The following UGT1A7 variants were observed in gnomAD, a reference collection of about 807,000 sequenced individuals.
The protein encoded by UGT1A7 is UDP glucuronosyltransferase family 1 member A7.
Under a neutral mutation model 45.6 loss-of-function variants are expected in UGT1A7, and 33 were observed. That is an observed-to-expected ratio of 0.72 (90% CI 0.55 to 0.97). UGT1A7 has a LOEUF of 0.97. Ranked by LOEUF, UGT1A7 falls within the 50% of genes least tolerant of loss-of-function variation. The pLI is 0.00. For synonymous variants in UGT1A7, 274 were observed against 250.6 expected (o/e 1.09, Z -0.88); for missense variants, 684 against 666.2 (o/e 1.03, Z -0.29).
At chr2:233,755,119 C>A (rs2125932041) in intron 1 of UGT1A7, 1 of 1,329,394 alleles carries the variant, frequency 7.5e-7, no homozygotes. Context: ...TCGTAGGCCT[C>A]AGCCACCTGC....
chr2:233,769,914 G>A lies in UGT1A7; in HGVS notation c.1295+1475G>A, dbSNP rs530436161. ...AACCTGAGCATCATGTGCCCAGAGCGTTGGGTGGTGTGGTCCCATTCCTTC... is the reference window on the plus strand; with the variant it reads ...AACCTGAGCATCATGTGCCCAGAGCATTGGGTGGTGTGGTCCCATTCCTTC... On this transcript the variant is annotated intron_variant, in intron 4 of 4. Coordinates refer to ENST00000373426, the MANE Select transcript of UGT1A7 (RefSeq NM_019077.3). The surrounding 1 kb of genome is among the most constrained non-coding windows in gnomAD (Gnocchi z 4.4). The A allele has an allele frequency of 6.5e-5, 19 of 292,140 alleles. No homozygotes were observed. The highest frequency in any genetic ancestry group is 1.0e-3 in the Middle Eastern group (1 of 988). 18.1% of individuals were successfully genotyped at this position (292,140 alleles called of 1,614,324 possible).
At chr2:233,745,320 A>T (rs1693070605) in intron 1 of UGT1A7, among the ~76,000 whole-genome samples, 1 of 151,792 alleles carries the variant, frequency 6.6e-6, no homozygotes, top group African/African-American at 2.4e-5. Flanking sequence ...TTTCCACTAG[A>T]ACTGCTATAT....
Position 233,767,697 on chromosome 2 carries a change from C to A in UGT1A7, c.988-152C>A, listed in dbSNP as rs558537555. Reference sequence around the variant, plus strand: ...CTCCAAAACAAGATGCCGGAAGTTGCCAGTCCTCAGAAGCCTTCACAGTTA... The same window carrying A: ...CTCCAAAACAAGATGCCGGAAGTTGACAGTCCTCAGAAGCCTTCACAGTTA... On this transcript the variant is annotated intron_variant, in intron 2 of 4. Coordinates refer to ENST00000373426, the MANE Select transcript of UGT1A7 (RefSeq NM_019077.3). 77 of 1,498,202 alleles carry A rather than the reference C, an allele frequency of 5.1e-5. 3 individuals carry two copies. The South Asian group carries it at 9.5e-4, about 18-fold the overall frequency. 92.8% of individuals were successfully genotyped at this position (1,498,202 alleles called of 1,614,324 possible). A position where few individuals can be genotyped will look rare whatever the true frequency, so the allele number is the denominator to read the frequency against.
At chr2:233,718,488 C>G (rs1328491116) in intron 1 of UGT1A7, among the ~76,000 whole-genome samples, 1 of 152,166 alleles carries the variant, frequency 6.6e-6, no homozygotes, top group Non-Finnish European at 1.5e-5. Flanking sequence ...ATATGGTTAA[C>G]AGAGTAGAAG....
intron 1 of UGT1A7, chr2:233,713,010 G>T (rs778526502): frequency 6.2e-7 from 1 of 1,613,520 alleles, no homozygotes; most frequent in African/African-American, 1.3e-5. Flanking sequence ...AGGACTCCAG[G>T]TTCCCCTGCC....
chr2:233,761,145 A>T, intron 1 of UGT1A7: 4 of 1,614,244 alleles, frequency 2.5e-6, no homozygotes, highest in Non-Finnish European at 3.4e-6. Flanking sequence ...AAAATCCACT[A>T]TCCCAGGTGT....
intron 1 of UGT1A7, among the ~76,000 whole-genome samples, chr2:233,721,302 G>A (rs541150498): frequency 1.8e-4 from 27 of 152,234 alleles, no homozygotes; most frequent in African/African-American, 6.5e-4. Flanking sequence ...CATTTGAATA[G>A]TGATTGTGGC....
intron 1 of UGT1A7, among the ~76,000 whole-genome samples, chr2:233,696,340 C>T (rs905819454): frequency 8.6e-5 from 13 of 151,938 alleles, no homozygotes; most frequent in African/African-American, 2.9e-4. Context: ...TTATACAGAT[C>T]TTTCACTTCC....
chr2:233,687,959 T>C (rs573648451), intron 1 of UGT1A7, among the ~76,000 whole-genome samples: 2 of 152,348 alleles, frequency 1.3e-5, no homozygotes, highest in East Asian at 3.9e-4. Context: ...AAAATTGATA[T>C]GTAATTCATG....
intron 1 of UGT1A7, chr2:233,712,870 T>A: frequency 6.3e-7 from 1 of 1,583,802 alleles, no homozygotes; most frequent in Middle Eastern, 2.3e-4. Context: ...AGGAGGGCAC[T>A]CTGTCTTCAA....
chr2:233,720,041 A>T (rs2076825366), intron 1 of UGT1A7, among the ~76,000 whole-genome samples: 1 of 152,182 alleles, frequency 6.6e-6, no homozygotes, highest in Non-Finnish European at 1.5e-5. Flanking sequence ...CCTGATTTTC[A>T]GCTGAACGGT....
intron 1 of UGT1A7, chr2:233,690,557 C>A: frequency 7.8e-7 from 1 of 1,289,654 alleles, no homozygotes; most frequent in South Asian, 1.2e-5. Context: ...ATGTCCCAAG[C>A]CTGAGTCATT....
At position 233,737,636 on chromosome 2, in the gene UGT1A7, C is replaced by T. The variant is rs531826913; in HGVS notation, c.856-29398C>T. ...AAATGCAGAAATCATCCATCTTCTGCGTCGATCATGCTGGGAGCTGCAGAT... is the reference window on the plus strand; with the variant it reads ...AAATGCAGAAATCATCCATCTTCTGTGTCGATCATGCTGGGAGCTGCAGAT... On this transcript the variant is annotated intron_variant, in intron 1 of 4. Coordinates refer to ENST00000373426, the MANE Select transcript of UGT1A7 (RefSeq NM_019077.3). Among the ~76,000 whole-genome samples the T allele has an allele frequency of 5.3e-5, 8 of 152,322 alleles. No individual in the cohort carries two copies. In the East Asian group the frequency reaches 5.8e-4, roughly 11 times the overall value.
chr2:233,756,944 AC>A lies in UGT1A7; in HGVS notation c.856-10087del, dbSNP rs34531096. On this transcript the variant is annotated intron_variant, in intron 1 of 4. Transcript: ENST00000373426. ...ATAACCTCTAGTTACATAACCTGAA[AC>A]CCGGACTTGGCACTTGGTAAGCACG... 8.7e-4 allele frequency among the ~76,000 whole-genome samples: 132 copies of A among 152,140 alleles called. 1 individual carries two copies. The East Asian group carries it at 0.024, about 27-fold the overall frequency.
chr2:233,772,141 A>C, intron 4 of UGT1A7, 121 bp from the exon 5 acceptor site: 1 of 1,549,926 alleles, frequency 6.5e-7, no homozygotes, highest in Non-Finnish European at 8.7e-7. Context: ...CAATAATAGA[A>C]ACAGGTTTCC....
chr2:233,733,095 G>A (rs1341199680), intron 1 of UGT1A7, among the ~76,000 whole-genome samples: 1 of 152,176 alleles, frequency 6.6e-6, no homozygotes, highest in Non-Finnish European at 1.5e-5. Context: ...GTTCACTCAT[G>A]GTTTGGCTCT....
At chr2:233,763,256 T>A (rs1698270689) in intron 1 of UGT1A7, among the ~76,000 whole-genome samples, 1 of 152,234 alleles carries the variant, frequency 6.6e-6, no homozygotes. Flanking sequence ...GTAACCTGTT[T>A]TGTCTTGTTG....
intron 1 of UGT1A7, among the ~76,000 whole-genome samples, chr2:233,730,665 G>A (rs752963850): frequency 1.3e-5 from 2 of 152,252 alleles, no homozygotes; most frequent in African/African-American, 4.8e-5. Flanking sequence ...AGTTCGGAAG[G>A]CAAAGTAATG....
Position 233,682,185 on chromosome 2 carries a change from T to C in UGT1A7, c.248T>C (p.Leu83Pro). The C allele has an allele frequency of 1.2e-6, 2 of 1,614,208 alleles. No homozygotes were observed. Among genetic ancestry groups the C allele is most frequent in the Non-Finnish European group, 1.7e-6 (2 of 1,180,026 alleles). The change falls in exon 1 of 5, where the codon CTG becomes CCG. Residue 83 changes from leucine to proline, a missense_variant. Leu to Pro is a moderately conservative substitution (Grantham distance 98). Coordinates refer to ENST00000373426, the MANE Select transcript of UGT1A7 (RefSeq NM_019077.3). ...AAGACTTACTCAACCTCATACACTC[T>C]GGAGGATCAGGACCGGGAGTTCATG... ...TVKTYSTSYT[L>P]EDQDREFMVF...
Sources: gnomAD v4.1 joint callset for allele counts (sites outside exome capture counted in the v4.1 genomes callset) on GRCh38, gnomAD v4.1.1 for gene constraint, Gnocchi (gnomAD v3.1) non-coding constraint, MANE v1.5 for transcripts, NCBI Gene and HGNC (gene_info 2026-07-23, HGNC 2026-07-21) for gene names.